The following CATSPERB variants were observed in gnomAD, a reference collection of about 807,000 sequenced individuals.
CATSPERB encodes the protein cation channel sperm-associated auxiliary subunit beta.
CATSPERB carries 93 observed loss-of-function variants against 128.3 expected under a neutral mutation model. The observed-to-expected ratio is 0.72, with a 90% CI of 0.61 to 0.86. The LOEUF (loss-of-function observed/expected upper bound fraction) is 0.86, where lower values mean the gene tolerates loss of function less well. CATSPERB is among the 40% of genes least tolerant of loss of function. The pLI, the probability that CATSPERB is intolerant of heterozygous loss-of-function variation, is 0.00. For synonymous variants in CATSPERB, 381 were observed against 448.8 expected (o/e 0.85, Z 1.91); for missense variants, 1,153 against 1,329.5 (o/e 0.87, Z 2.06).
intron 14 of CATSPERB, among the ~76,000 whole-genome samples, chr14:91,662,183 T>C (rs1472638637): frequency 2.0e-5 from 3 of 152,134 alleles, no homozygotes; most frequent in Admixed American, 6.6e-5. Flanking sequence ...CTGTTACATA[T>C]CCAATATCCT....
chr14:91,691,942 G>T (rs1895478397), intron 9 of CATSPERB, among the ~76,000 whole-genome samples: 1 of 152,136 alleles, frequency 6.6e-6, no homozygotes. Context: ...ACTTTGGGAG[G>T]CCGCGATAGG....
chr14:91,589,829 G>A (rs1893366505), intron 23 of CATSPERB, among the ~76,000 whole-genome samples, 160 bp from the exon 24 acceptor site: 1 of 152,168 alleles, frequency 6.6e-6, no homozygotes, highest in Non-Finnish European at 1.5e-5. Flanking sequence ...ATGTCTTAGA[G>A]CAGAATCAAT....
At chr14:91,711,766 TTCAAAATATGTAAA>T (rs979445737) in intron 5 of CATSPERB, among the ~76,000 whole-genome samples, 18 of 152,178 alleles carry the variant, frequency 1.2e-4, no homozygotes, top group Non-Finnish European at 2.4e-4. Flanking sequence ...ACAACACAGC[TTCAAAATATGTAAA>T]TCAAAAGTTA....
At chr14:91,696,136 T>C (rs919845595) in intron 7 of CATSPERB, among the ~76,000 whole-genome samples, 7 of 152,188 alleles carry the variant, frequency 4.6e-5, no homozygotes, top group Admixed American at 2.0e-4. Flanking sequence ...AGCAGCAATA[T>C]AGATTTGGGA....
chr14:91,623,188 C>T (rs899073071), intron 18 of CATSPERB, among the ~76,000 whole-genome samples: 1 of 152,204 alleles, frequency 6.6e-6, no homozygotes, highest in African/African-American at 2.4e-5. Flanking sequence ...AGCCACCATA[C>T]CCGGCCAGGG....
intron 11 of CATSPERB, among the ~76,000 whole-genome samples, chr14:91,676,940 T>C (rs1360630004): frequency 6.6e-6 from 1 of 152,168 alleles, no homozygotes; most frequent in Non-Finnish European, 1.5e-5. Flanking sequence ...CCATCTCATC[T>C]TCGAAAAACC....
chr14:91,626,270 G>A (rs181768402), intron 17 of CATSPERB, among the ~76,000 whole-genome samples: 2 of 149,602 alleles, frequency 1.3e-5, no homozygotes, highest in African/African-American at 2.5e-5. Flanking sequence ...AAAAAATTAT[G>A]TTAAAATATA....
intron 20 of CATSPERB, among the ~76,000 whole-genome samples, chr14:91,615,714 G>C (rs746593996): frequency 6.6e-6 from 1 of 152,034 alleles, no homozygotes; most frequent in Non-Finnish European, 1.5e-5. Context: ...TGAACTTTTA[G>C]GTTGACCCGG....
chr14:91,718,282 G>T (rs527698828), intron 5 of CATSPERB, among the ~76,000 whole-genome samples: 7 of 152,336 alleles, frequency 4.6e-5, no homozygotes, highest in African/African-American at 1.7e-4. Context: ...AGGGTAAAGA[G>T]AGTGATACAA....
intron 21 of CATSPERB, among the ~76,000 whole-genome samples, chr14:91,609,204 T>C (rs1595144601): frequency 6.6e-6 from 1 of 152,210 alleles, no homozygotes; most frequent in African/African-American, 2.4e-5. Context: ...ATTCACCTTT[T>C]TTTTTTTGTA....
At chr14:91,618,231 A>G (rs141775633) in intron 19 of CATSPERB, among the ~76,000 whole-genome samples, 1 of 152,168 alleles carries the variant, frequency 6.6e-6, no homozygotes, top group East Asian at 1.9e-4. Flanking sequence ...TCTGATTGCT[A>G]TCTTGGTTTT....
At chr14:91,676,260 G>A (rs987938279) in intron 11 of CATSPERB, among the ~76,000 whole-genome samples, 1 of 152,052 alleles carries the variant, frequency 6.6e-6, no homozygotes, top group African/African-American at 2.4e-5. Context: ...GTAAAATAAG[G>A]AGGATTCACC....
intron 11 of CATSPERB, 94 bp from the exon 12 acceptor site, chr14:91,674,316 GA>G: frequency 1.4e-6 from 1 of 730,898 alleles, no homozygotes; most frequent in South Asian, 1.9e-5. Context: ...GAAAATCATA[GA>G]AATTATTTTT....
chr14:91,666,014 C>T (rs760214684), intron 14 of CATSPERB, among the ~76,000 whole-genome samples: 12 of 152,116 alleles, frequency 7.9e-5, no homozygotes, highest in Non-Finnish European at 5.9e-5. Context: ...ATGCTGTTCT[C>T]GTGATAGTGA....
At chr14:91,652,760 T>C (rs192194961) in intron 15 of CATSPERB, among the ~76,000 whole-genome samples, 33 of 150,348 alleles carry the variant, frequency 2.2e-4, no homozygotes, top group African/African-American at 8.0e-4. Context: ...ACGTTCAACA[T>C]TGTGCTCCTA....
chr14:91,635,592 A>C (rs1894359232), intron 17 of CATSPERB: 1 of 152,192 alleles, frequency 6.6e-6, no homozygotes, highest in Non-Finnish European at 1.5e-5. Flanking sequence ...TCCTGGTCTC[A>C]ACTGATCTGC....
At chr14:91,679,696 C>A (rs1041732707) in intron 11 of CATSPERB, among the ~76,000 whole-genome samples, 6 of 152,274 alleles carry the variant, frequency 3.9e-5, no homozygotes, top group East Asian at 1.9e-4. Flanking sequence ...ATGTTTTGAG[C>A]CTTTTAACAT....
chr14:91,637,374 T>C (rs1368835608), intron 16 of CATSPERB, among the ~76,000 whole-genome samples: 2 of 152,290 alleles, frequency 1.3e-5, no homozygotes, highest in Non-Finnish European at 2.9e-5. Context: ...GGGAAATAGA[T>C]GCCAGGAAAA....
intron 5 of CATSPERB, among the ~76,000 whole-genome samples, chr14:91,708,865 C>G (rs1566737344): frequency 2.0e-5 from 3 of 152,158 alleles, no homozygotes; most frequent in African/African-American, 7.2e-5. Context: ...TTATAACAAA[C>G]TTATTTTAAA....
Sources: gnomAD v4.1 joint callset for allele counts (sites outside exome capture counted in the v4.1 genomes callset) on GRCh38, gnomAD v4.1.1 for gene constraint, MANE v1.5 for transcripts, NCBI Gene and HGNC (gene_info 2026-07-23, HGNC 2026-07-21) for gene names.